Variants in EYS observed in about 807,000 individuals in gnomAD.
The protein encoded by EYS is EGF-like photoreceptor maintenance factor, also known as protein eyes shut homolog.
Under a neutral mutation model 282.1 loss-of-function variants are expected in EYS, and 250 were observed. That is an observed-to-expected ratio of 0.89 (90% CI 0.80 to 0.98). The LOEUF is 0.98. EYS is among the 50% of genes least tolerant of loss of function. The probability of loss-of-function intolerance (pLI) is 0.00; values close to 1 mark genes in which losing one functional copy is unlikely to be tolerated. For missense variants in EYS, 4,016 were observed against 3,709.0 expected (o/e 1.08, Z -2.15); for synonymous variants, 1,355 against 1,282.9 (o/e 1.06, Z -1.20).
chr6:64,502,868 A>G (rs1166275378), intron 26 of EYS, among the ~76,000 whole-genome samples: 1 of 152,220 alleles, frequency 6.6e-6, no homozygotes, highest in Admixed American at 6.5e-5. Context: ...GAACAATGGT[A>G]GCCAGGAATA....
At chr6:64,822,569 A>T in intron 20 of EYS, 82 bp downstream of exon 20, 2 of 1,156,894 alleles carry the variant, frequency 1.7e-6, no homozygotes, top group East Asian at 2.7e-5. Context: ...AATTATCTTT[A>T]TCAACTTTCC....
At chr6:65,597,594 T>C (rs1405190383) in intron 2 of EYS, among the ~76,000 whole-genome samples, 1 of 152,152 alleles carries the variant, frequency 6.6e-6, no homozygotes, top group African/African-American at 2.4e-5. Flanking sequence ...TTTATTTCTC[T>C]TCATCTTTCT....
intron 41 of EYS, among the ~76,000 whole-genome samples, chr6:63,735,965 C>T (rs1435882790): frequency 6.6e-6 from 1 of 152,124 alleles, no homozygotes; most frequent in Admixed American, 6.6e-5. Context: ...ACGTGCACAT[C>T]AAGAGCTACA....
At chr6:64,092,981 G>T (rs2150252922) in intron 31 of EYS, among the ~76,000 whole-genome samples, 1 of 151,648 alleles carries the variant, frequency 6.6e-6, no homozygotes, top group South Asian at 2.1e-4. Context: ...TGGCTAGCCA[G>T]TTTTCCCAGC....
chr6:64,868,507 C>A (rs1057217517), intron 19 of EYS, among the ~76,000 whole-genome samples: 1 of 151,394 alleles, frequency 6.6e-6, no homozygotes, highest in Non-Finnish European at 1.5e-5. Context: ...ATGAATTATA[C>A]CCTAATCTAT....
At chr6:65,610,110 G>T (rs1765940880) in intron 2 of EYS, among the ~76,000 whole-genome samples, 2 of 151,850 alleles carry the variant, frequency 1.3e-5, no homozygotes, top group South Asian at 4.2e-4. Context: ...ATCTTACTAA[G>T]TTGTCCAGAC....
chr6:64,112,036 T>C (rs1431374439), intron 31 of EYS, among the ~76,000 whole-genome samples: 1 of 152,032 alleles, frequency 6.6e-6, no homozygotes, highest in African/African-American at 2.4e-5. Flanking sequence ...CTGGTTAAAA[T>C]TTTTTGGCTT....
rs575605547 is a variant in EYS at position 64,183,095 on chromosome 6, G to A, written c.6424+47497C>T. On this transcript the variant is annotated intron_variant, in intron 31 of 42. Coordinates refer to ENST00000503581, the MANE Select transcript of EYS (RefSeq NM_001142800.2). ...TAGTGAGTGAGTTCTCACAAGATCC[G>A]ATGGTTTTATAAGGGGCTTCCCTCT... is the stretch of plus-strand genomic sequence containing the variant. Among the ~76,000 whole-genome samples, 6 of 152,156 alleles carry A rather than the reference G, an allele frequency of 3.9e-5. No homozygotes were observed. The South Asian group carries it at 1.0e-3, about 26-fold the overall frequency.
chr6:65,359,816 C>T (rs1764630929), intron 8 of EYS, among the ~76,000 whole-genome samples: 1 of 151,866 alleles, frequency 6.6e-6, no homozygotes, highest in South Asian at 2.1e-4. Context: ...GGTTCAAAAG[C>T]ATTAACTCAT....
At chr6:64,710,003 T>C (rs1018811215) in intron 22 of EYS, among the ~76,000 whole-genome samples, 1 of 152,160 alleles carries the variant, frequency 6.6e-6, no homozygotes, top group Admixed American at 6.5e-5. Context: ...TTCCAAAATA[T>C]GAAGAATATG....
At chr6:64,613,634 G>T (rs1767177869) in intron 24 of EYS, among the ~76,000 whole-genome samples, 1 of 151,692 alleles carries the variant, frequency 6.6e-6, no homozygotes, top group African/African-American at 2.4e-5. Flanking sequence ...ACCTCTGCTG[G>T]AGCCAAAACC....
At chr6:64,727,852 A>G (rs1426875449) in intron 22 of EYS, among the ~76,000 whole-genome samples, 1 of 152,250 alleles carries the variant, frequency 6.6e-6, no homozygotes, top group African/African-American at 2.4e-5. Flanking sequence ...TTCTTTACAA[A>G]GTAGCCTAAT....
At chr6:64,649,863 A>G (rs1411763277) in intron 22 of EYS, among the ~76,000 whole-genome samples, 1 of 152,190 alleles carries the variant, frequency 6.6e-6, no homozygotes, top group African/African-American at 2.4e-5. Flanking sequence ...TCTCATAAAT[A>G]TATATCTAGA....
chr6:64,795,545 C>A (rs1212042062), intron 22 of EYS, among the ~76,000 whole-genome samples: 2 of 152,112 alleles, frequency 1.3e-5, no homozygotes, highest in Non-Finnish European at 2.9e-5. Flanking sequence ...ATTCTGAGGA[C>A]CAAAGTCTTG....
At chr6:65,272,327 C>T (rs964799443) in intron 12 of EYS, among the ~76,000 whole-genome samples, 10 of 152,096 alleles carry the variant, frequency 6.6e-5, no homozygotes, top group African/African-American at 2.4e-4. Context: ...GTTCCCTTGA[C>T]TTTGACCCCC....
intron 33 of EYS, among the ~76,000 whole-genome samples, chr6:64,046,179 G>T (rs1266290443): frequency 1.4e-5 from 2 of 147,208 alleles, no homozygotes; most frequent in Non-Finnish European, 3.0e-5. Flanking sequence ...ATATTTTAGA[G>T]ATTTTTAATA....
intron 22 of EYS, among the ~76,000 whole-genome samples, chr6:64,743,777 G>T (rs1772454608): frequency 6.6e-6 from 1 of 152,018 alleles, no homozygotes; most frequent in South Asian, 2.1e-4. Flanking sequence ...ATTTAGAATT[G>T]TTACAAAAAG....
chr6:63,894,498 G>A (rs979889316), intron 35 of EYS, among the ~76,000 whole-genome samples: 3 of 152,128 alleles, frequency 2.0e-5, no homozygotes, highest in African/African-American at 7.2e-5. Context: ...TCAGACGGAG[G>A]ATGGCTCTGG....
chr6:65,531,979 A>G (rs1767786992), intron 2 of EYS, among the ~76,000 whole-genome samples: 2 of 152,158 alleles, frequency 1.3e-5, no homozygotes, highest in South Asian at 4.1e-4. Flanking sequence ...TTACTGTGTG[A>G]TGTGGATAAT....
Sources: gnomAD v4.1 joint callset for allele counts (sites outside exome capture counted in the v4.1 genomes callset) on GRCh38, gnomAD v4.1.1 for gene constraint, MANE v1.5 for transcripts, NCBI Gene and HGNC (gene_info 2026-07-23, HGNC 2026-07-21) for gene names.